The following ARHGAP24 variants were observed in gnomAD, a reference collection of about 807,000 sequenced individuals.
The protein encoded by ARHGAP24 is Rho GTPase activating protein 24.
ARHGAP24 carries 50 observed loss-of-function variants against 76.4 expected under a neutral mutation model. The ratio of observed to expected loss-of-function variants is 0.65; its 90% confidence interval spans 0.52 to 0.83. ARHGAP24 has a LOEUF of 0.83. Among genes scored for constraint, ARHGAP24 ranks in the 40% least tolerant of loss-of-function variants. The pLI is 0.00. For synonymous variants in ARHGAP24, 345 were observed against 323.3 expected (o/e 1.07, Z -0.72); for missense variants, 930 against 914.2 (o/e 1.02, Z -0.22).
At chr4:85,668,329 C>G (rs1722711179) in intron 2 of ARHGAP24, among the ~76,000 whole-genome samples, 1 of 152,218 alleles carries the variant, frequency 6.6e-6, no homozygotes, top group Non-Finnish European at 1.5e-5. Flanking sequence ...ATTCCTTCAT[C>G]TATCTATTCA....
intron 4 of ARHGAP24, among the ~76,000 whole-genome samples, chr4:85,928,735 T>G (rs1167862409): frequency 1.3e-5 from 2 of 152,162 alleles, no homozygotes; most frequent in Non-Finnish European, 2.9e-5. Context: ...GTGCTGGGAT[T>G]ATAGGTGTGA....
At chr4:85,688,941 G>A (rs139109860) in intron 2 of ARHGAP24, among the ~76,000 whole-genome samples, 6 of 152,134 alleles carry the variant, frequency 3.9e-5, no homozygotes, top group African/African-American at 1.4e-4. Flanking sequence ...TGCTTTTTTG[G>A]TTACTGTAGC....
chr4:85,676,670 G>A (rs1722991250), intron 2 of ARHGAP24, among the ~76,000 whole-genome samples: 2 of 152,124 alleles, frequency 1.3e-5, no homozygotes, highest in African/African-American at 4.8e-5. Flanking sequence ...GCACATTTTA[G>A]GTCTGGAGTT....
At chr4:85,752,478 A>C (rs1268588328) in intron 3 of ARHGAP24, among the ~76,000 whole-genome samples, 1 of 136,794 alleles carries the variant, frequency 7.3e-6, no homozygotes, top group East Asian at 2.2e-4. Flanking sequence ...AAAAAAAAAA[A>C]CTCAAATACT....
At chr4:85,725,555 A>C (rs1420751118) in intron 3 of ARHGAP24, among the ~76,000 whole-genome samples, 1 of 152,232 alleles carries the variant, frequency 6.6e-6, no homozygotes, top group Non-Finnish European at 1.5e-5. Flanking sequence ...ATCTTCCTAC[A>C]CAGATGATAC....
rs1255411074 is a variant in ARHGAP24, at chr4:86,002,273, A to AT, written c.*1557dup. On this transcript the variant is annotated 3_prime_UTR_variant, in exon 10 of 10. Transcript: ENST00000395184. ...TCATCCTTGCCACTGTCTTGCTTTT[A>AT]TTTTTTACTCTCCCACTGAGCAAGC... is the stretch of plus-strand genomic sequence containing the variant. The AT allele has an allele frequency of 6.6e-6, 1 of 152,110 alleles. No individual in the cohort carries two copies. Among genetic ancestry groups the AT allele is most frequent in the African/African-American group, 2.4e-5 (1 of 41,420 alleles). The allele number at this position is 152,110 out of a possible 1,614,324, so 9.4% of individuals were successfully genotyped here. A position where few individuals can be genotyped will look rare whatever the true frequency, so the allele number is the denominator to read the frequency against.
chr4:85,703,945 C>T (rs985856862), intron 2 of ARHGAP24, among the ~76,000 whole-genome samples: 9 of 152,264 alleles, frequency 5.9e-5, no homozygotes, highest in Admixed American at 2.0e-4. Flanking sequence ...GCTCCCCCAC[C>T]CTCAGCCCCT....
At chr4:85,506,317 C>A (rs574912653) in intron 1 of ARHGAP24, among the ~76,000 whole-genome samples, 2 of 152,346 alleles carry the variant, frequency 1.3e-5, no homozygotes, top group South Asian at 4.1e-4. Flanking sequence ...GAAGTTTCTG[C>A]TGCCTTTTGT....
intron 3 of ARHGAP24, among the ~76,000 whole-genome samples, chr4:85,746,860 G>A (rs1340156312): frequency 6.6e-6 from 1 of 151,866 alleles, no homozygotes; most frequent in Non-Finnish European, 1.5e-5. Context: ...TCACTATGTT[G>A]GGCAGGATGG....
chr4:85,894,567 T>C (rs1419312119), intron 3 of ARHGAP24, among the ~76,000 whole-genome samples: 1 of 152,174 alleles, frequency 6.6e-6, no homozygotes, highest in Non-Finnish European at 1.5e-5. Flanking sequence ...TAAGCAAAGT[T>C]GAATCACTAA....
chr4:85,626,079 T>A (rs1334247054), intron 2 of ARHGAP24, among the ~76,000 whole-genome samples: 2 of 152,242 alleles, frequency 1.3e-5, no homozygotes, highest in Non-Finnish European at 2.9e-5. Flanking sequence ...CATTTAAAGT[T>A]AATATTGTGA....
At chr4:85,875,835 G>A (rs1560689532) in intron 3 of ARHGAP24, among the ~76,000 whole-genome samples, 1 of 150,560 alleles carries the variant, frequency 6.6e-6, no homozygotes, top group South Asian at 2.1e-4. Context: ...TGTGCATCCC[G>A]GGTTCAAGCA....
At chr4:85,732,176 GTT>G (rs951794664) in intron 3 of ARHGAP24, among the ~76,000 whole-genome samples, 4 of 152,212 alleles carry the variant, frequency 2.6e-5, no homozygotes, top group African/African-American at 9.6e-5. Flanking sequence ...TACAAATAGA[GTT>G]TGTCCAGGCA....
At chr4:85,816,670 GT>G (rs1729253528) in intron 3 of ARHGAP24, among the ~76,000 whole-genome samples, 1 of 152,052 alleles carries the variant, frequency 6.6e-6, no homozygotes, top group Non-Finnish European at 1.5e-5. Context: ...ATATCCATCA[GT>G]AGACACTGAG....
intron 3 of ARHGAP24, among the ~76,000 whole-genome samples, chr4:85,818,958 T>C (rs751067149): frequency 3.3e-5 from 5 of 152,188 alleles, no homozygotes; most frequent in Non-Finnish European, 7.4e-5. Flanking sequence ...ATTGCCGTTA[T>C]ATTGCTTTGT....
chr4:85,810,928 C>G (rs1167008019), intron 3 of ARHGAP24, among the ~76,000 whole-genome samples: 1 of 152,158 alleles, frequency 6.6e-6, no homozygotes, highest in Non-Finnish European at 1.5e-5. Flanking sequence ...TCCATGTTTA[C>G]TTGGTAGTTG....
At chr4:85,687,208 T>C (rs926574698) in intron 2 of ARHGAP24, among the ~76,000 whole-genome samples, 6 of 152,170 alleles carry the variant, frequency 3.9e-5, no homozygotes, top group Non-Finnish European at 8.8e-5. Flanking sequence ...CAGATAAGAC[T>C]GAGGTGGTAC....
chr4:85,606,382 G>A (rs959505552), intron 2 of ARHGAP24, among the ~76,000 whole-genome samples: 18 of 152,064 alleles, frequency 1.2e-4, no homozygotes, highest in African/African-American at 3.9e-4. Context: ...GCGTGGTTGC[G>A]GGTGCCTGTA....
chr4:85,987,577 T>C (rs1740075764), intron 8 of ARHGAP24, among the ~76,000 whole-genome samples: 1 of 152,004 alleles, frequency 6.6e-6, no homozygotes, highest in Admixed American at 6.6e-5. Context: ...TTCAAGAAGG[T>C]AAAGCAAAAT....
Sources: allele counts gnomAD v4.1 joint callset (sites outside exome capture counted in the v4.1 genomes callset), GRCh38; gene constraint gnomAD v4.1.1; transcripts MANE v1.5; gene names NCBI Gene and HGNC (gene_info 2026-07-23, HGNC 2026-07-21).